The following TNNI3K variants were observed in gnomAD, a reference collection of about 807,000 sequenced individuals.
TNNI3K encodes the protein serine/threonine-protein kinase TNNI3K.
TNNI3K carries 140 observed loss-of-function variants against 114.5 expected under a neutral mutation model. That is an observed-to-expected ratio of 1.22 (90% CI 1.07 to 1.41). TNNI3K has a LOEUF of 1.41. TNNI3K is among the 40% of genes most tolerant of loss of function. The pLI, the probability that TNNI3K is intolerant of heterozygous loss-of-function variation, is 0.00. For missense variants in TNNI3K, 1,125 were observed against 1,007.6 expected (o/e 1.12, Z -1.58); for synonymous variants, 347 against 347.5 (o/e 1.00, Z 0.02).
Position 74,491,117 on chromosome 1 carries a change from G to A in TNNI3K, c.2182-980G>A, listed in dbSNP as rs1217148754. On this transcript the variant is annotated intron_variant, in intron 22 of 24. Transcript: ENST00000326637. ...TACACATTTTAGAAGAGAGAGATTT[G>A]AGTGGTGAATAAGCTGAAAATCACG... Among the ~76,000 whole-genome samples, 12 of 152,222 alleles carry A rather than the reference G, an allele frequency of 7.9e-5. 1 individual carries two copies. Among genetic ancestry groups the A allele is most frequent in the Admixed American group, 7.8e-4 (12 of 15,290 alleles).
intron 17 of TNNI3K, among the ~76,000 whole-genome samples, chr1:74,429,210 C>A (rs988141486): frequency 1.3e-5 from 2 of 151,950 alleles, no homozygotes; most frequent in Non-Finnish European, 2.9e-5. Flanking sequence ...ACTTTATGAT[C>A]AACAATTGTT....
At chr1:74,271,908 C>T (rs1298295806) in intron 5 of TNNI3K, among the ~76,000 whole-genome samples, 200 bp downstream of exon 5, 1 of 151,878 alleles carries the variant, frequency 6.6e-6, no homozygotes, top group Non-Finnish European at 1.5e-5. Flanking sequence ...TGTATTTAAT[C>T]ATCAATTAAC....
chr1:74,349,303 G>T (rs1232643582), intron 9 of TNNI3K, among the ~76,000 whole-genome samples: 1 of 152,136 alleles, frequency 6.6e-6, no homozygotes, highest in African/African-American at 2.4e-5. Flanking sequence ...TTCATGGGTT[G>T]CATCCCAGGG....
intron 11 of TNNI3K, among the ~76,000 whole-genome samples, chr1:74,355,745 A>G (rs1440818755): frequency 2.0e-5 from 3 of 152,170 alleles, no homozygotes; most frequent in Non-Finnish European, 4.4e-5. Flanking sequence ...AGACAAGGAG[A>G]AGGAAAAATG....
chr1:74,253,325 C>G (rs1479401966), intron 4 of TNNI3K, among the ~76,000 whole-genome samples: 3 of 152,194 alleles, frequency 2.0e-5, no homozygotes, highest in Admixed American at 6.5e-5. Context: ...GCCAGTCCCA[C>G]GCCATGTGCC....
chr1:74,280,756 G>T (rs1656963623), intron 5 of TNNI3K, among the ~76,000 whole-genome samples: 1 of 152,144 alleles, frequency 6.6e-6, no homozygotes, highest in Non-Finnish European at 1.5e-5. Flanking sequence ...AGGCCTCAGG[G>T]ACTACAGTAC....
chr1:74,495,116 C>A (rs45587240), intron 23 of TNNI3K, among the ~76,000 whole-genome samples: 1 of 152,104 alleles, frequency 6.6e-6, no homozygotes, highest in Non-Finnish European at 1.5e-5. Context: ...TGTTTTATAG[C>A]CTTCTGGCCC....
chr1:74,337,211 T>C (rs1660519019), intron 7 of TNNI3K, among the ~76,000 whole-genome samples: 1 of 152,174 alleles, frequency 6.6e-6, no homozygotes, highest in African/African-American at 2.4e-5. Context: ...ATTTTTTTCT[T>C]GTAAATTTGT....
At chr1:74,387,653 A>C (rs1663555491) in intron 17 of TNNI3K, among the ~76,000 whole-genome samples, 1 of 152,222 alleles carries the variant, frequency 6.6e-6, no homozygotes, top group African/African-American at 2.4e-5. Flanking sequence ...TGGAAAAATA[A>C]AAGAGAACCT....
At chr1:74,373,949 G>A (rs1360201495) in intron 17 of TNNI3K, 1 of 151,936 alleles carries the variant, frequency 6.6e-6, no homozygotes, top group East Asian at 1.9e-4. Flanking sequence ...ACCAAAGTCT[G>A]AGAATGCTCA....
intron 21 of TNNI3K, among the ~76,000 whole-genome samples, chr1:74,463,935 G>A (rs531027640): frequency 6.6e-6 from 1 of 152,298 alleles, no homozygotes; most frequent in African/African-American, 2.4e-5. Flanking sequence ...CAGAATAGGT[G>A]GTCTTCAGTA....
intron 7 of TNNI3K, among the ~76,000 whole-genome samples, chr1:74,341,177 G>A (rs1277432666): frequency 2.6e-5 from 4 of 152,170 alleles, no homozygotes; most frequent in Non-Finnish European, 4.4e-5. Flanking sequence ...TAGGAATTGA[G>A]CAGTTTGATG....
chr1:74,405,897 A>C lies in TNNI3K; in HGVS notation c.1773-30183A>C, dbSNP rs533169864. ...TTTTGCTTACTATAAGCATGTTCAC[A>C]TTTAGTTATATTCACGTATTAGGTT... On this transcript the variant is annotated intron_variant, in intron 17 of 24. Coordinates refer to ENST00000326637, the MANE Select transcript of TNNI3K (RefSeq NM_015978.3). Among the ~76,000 whole-genome samples the C allele has an allele frequency of 6.6e-4, 100 of 152,228 alleles. 1 individual carries two copies. Among genetic ancestry groups the C allele is most frequent in the Non-Finnish European group, 1.2e-3 (84 of 68,036 alleles).
At chr1:74,512,185 G>A (rs1187353666) in intron 23 of TNNI3K, among the ~76,000 whole-genome samples, 1 of 152,150 alleles carries the variant, frequency 6.6e-6, no homozygotes, top group Non-Finnish European at 1.5e-5. Context: ...ACCATAAAGG[G>A]GCATGATTTC....
chr1:74,535,756 A>T (rs1197303932), intron 23 of TNNI3K, among the ~76,000 whole-genome samples: 5 of 152,190 alleles, frequency 3.3e-5, no homozygotes. Context: ...AATGTCATCT[A>T]TATGAAATAC....
intron 20 of TNNI3K, 123 bp from the exon 21 acceptor site, chr1:74,463,318 C>G (rs1667528006): frequency 9.8e-7 from 1 of 1,017,576 alleles, no homozygotes; most frequent in African/African-American, 1.6e-5. Flanking sequence ...CTAGAGGTCT[C>G]TTTGAATGTC....
intron 17 of TNNI3K, among the ~76,000 whole-genome samples, chr1:74,422,964 CAGTT>C (rs911961700): frequency 1.3e-5 from 2 of 152,140 alleles, no homozygotes; most frequent in Non-Finnish European, 1.5e-5. Flanking sequence ...GGCTTTGTCT[CAGTT>C]GGTGGATTCA....
At chr1:74,321,190 C>T (rs1409016664) in intron 5 of TNNI3K, among the ~76,000 whole-genome samples, 2 of 152,084 alleles carry the variant, frequency 1.3e-5, no homozygotes, top group Non-Finnish European at 2.9e-5. Flanking sequence ...AAGAGCTCCA[C>T]ATAAGAGAAT....
chr1:74,519,273 A>G (rs2100407067), intron 23 of TNNI3K, among the ~76,000 whole-genome samples: 1 of 85,688 alleles, frequency 1.2e-5, no homozygotes, highest in South Asian at 4.4e-4. Context: ...TTCTTAATCC[A>G]GTCTATCATT....
Sources: gnomAD v4.1 joint callset for allele counts (sites outside exome capture counted in the v4.1 genomes callset) on GRCh38, gnomAD v4.1.1 for gene constraint, MANE v1.5 for transcripts, NCBI Gene and HGNC (gene_info 2026-07-23, HGNC 2026-07-21) for gene names.